The following CACNB2 variants were observed in gnomAD, a reference collection of about 807,000 sequenced individuals.
CACNB2 encodes the protein calcium voltage-gated channel auxiliary subunit beta 2.
A neutral mutation model predicts 73.3 loss-of-function variants in CACNB2; 42 were observed. The ratio of observed to expected loss-of-function variants is 0.57; its 90% confidence interval spans 0.45 to 0.74. CACNB2 has a LOEUF of 0.74. Among genes scored for constraint, CACNB2 ranks in the 30% least tolerant of loss-of-function variants. The probability of loss-of-function intolerance (pLI) is 0.00; values close to 1 mark genes in which losing one functional copy is unlikely to be tolerated. For missense variants in CACNB2, 940 were observed against 853.0 expected, an observed-to-expected ratio of 1.10 and a Z score of -1.27; for synonymous variants, 348 against 310.3, an observed-to-expected ratio of 1.12 and a Z score of -1.28.
chr10:18,470,010 A>G (rs1251309747), intron 3 of CACNB2, among the ~76,000 whole-genome samples: 1 of 152,106 alleles, frequency 6.6e-6, no homozygotes, highest in Non-Finnish European at 1.5e-5. Context: ...TTTTTTCTTT[A>G]TCATGCTATA....
At chr10:18,343,310 T>G (rs1022756910) in intron 2 of CACNB2, among the ~76,000 whole-genome samples, 4 of 150,656 alleles carry the variant, frequency 2.7e-5, no homozygotes, top group African/African-American at 4.9e-5. Flanking sequence ...TTTGGGCAGG[T>G]TTTTTTTTAT....
intron 2 of CACNB2, among the ~76,000 whole-genome samples, chr10:18,219,205 G>A (rs903480044): frequency 6.6e-6 from 1 of 152,094 alleles, no homozygotes; most frequent in Admixed American, 6.5e-5. Flanking sequence ...ATTCGGAATG[G>A]TATTTTTCCA....
intron 2 of CACNB2, among the ~76,000 whole-genome samples, chr10:18,313,670 TCAATCTA>T: frequency 2.0e-5 from 3 of 152,154 alleles, no homozygotes; most frequent in Admixed American, 2.0e-4. Flanking sequence ...AAATAAATAA[TCAATCTA>T]TTAAGGGGAA....
chr10:18,280,447 C>G (rs970676252), intron 2 of CACNB2, among the ~76,000 whole-genome samples: 1 of 152,296 alleles, frequency 6.6e-6, no homozygotes. Flanking sequence ...CTAAAGTCTA[C>G]TATTGAATTC....
intron 3 of CACNB2, among the ~76,000 whole-genome samples, chr10:18,484,664 A>T (rs2048968183): frequency 6.6e-6 from 1 of 152,098 alleles, no homozygotes; most frequent in African/African-American, 2.4e-5. Context: ...AAGCTCCCTC[A>T]CTGGGGTCTC....
At chr10:18,226,996 T>A (rs189989540) in intron 2 of CACNB2, among the ~76,000 whole-genome samples, 1 of 152,262 alleles carries the variant, frequency 6.6e-6, no homozygotes, top group East Asian at 1.9e-4. Flanking sequence ...GCCACTTAAA[T>A]GAGACTATTT....
intron 2 of CACNB2, among the ~76,000 whole-genome samples, chr10:18,317,529 T>A (rs2040237931): frequency 6.6e-6 from 1 of 152,234 alleles, no homozygotes; most frequent in East Asian, 1.9e-4. Context: ...GTTCTTGGCC[T>A]CTAGCTGCAT....
Position 18,541,699 on chromosome 10 carries a change from A to G in CACNB2, c.*1975A>G, listed in dbSNP as rs2054077362. On this transcript the variant is annotated 3_prime_UTR_variant, in exon 14 of 14. Transcript: ENST00000324631. Reference sequence around the variant, plus strand: ...AACGTGGCGAAACCCCGTCTCTACTAAAAAGATAAAAAATTAGCCAGGTGT... The same window carrying G: ...AACGTGGCGAAACCCCGTCTCTACTGAAAAGATAAAAAATTAGCCAGGTGT... 6.6e-6 allele frequency: 1 copy of G among 152,012 alleles called. No individual in the cohort carries two copies. The highest frequency in any genetic ancestry group is 1.5e-5 in the Non-Finnish European group (1 of 68,028). 9.4% of individuals were successfully genotyped at this position (152,012 alleles called of 1,614,324 possible). A position where few individuals can be genotyped will look rare whatever the true frequency, so the allele number is the denominator to read the frequency against.
chr10:18,170,790 C>A (rs1029773554), intron 2 of CACNB2, among the ~76,000 whole-genome samples: 2 of 152,198 alleles, frequency 1.3e-5, no homozygotes, highest in Non-Finnish European at 2.9e-5. Flanking sequence ...TGACAATGCT[C>A]TTTTAAGCTT....
chr10:18,498,879 A>G lies in CACNB2; in HGVS notation c.456+402A>G, dbSNP rs902481117. 11 of 223,464 alleles carry G rather than the reference A, an allele frequency of 4.9e-5. No homozygotes were observed. The Admixed American group carries it at 5.8e-4, about 12-fold the overall frequency. 13.8% of individuals were successfully genotyped at this position (223,464 alleles called of 1,614,324 possible). A position where few individuals can be genotyped will look rare whatever the true frequency, so the allele number is the denominator to read the frequency against. Reference sequence around the variant, plus strand: ...GAATTCATGACTCTTCTCTCTGCTGACAGTGTCTCAATACAAACTACTGAT... The same window carrying G: ...GAATTCATGACTCTTCTCTCTGCTGGCAGTGTCTCAATACAAACTACTGAT... On this transcript the variant is annotated intron_variant, in intron 4 of 13. Transcript: ENST00000324631.
At chr10:18,438,315 C>T (rs1276252988) in intron 3 of CACNB2, among the ~76,000 whole-genome samples, 2 of 151,784 alleles carry the variant, frequency 1.3e-5, no homozygotes, top group Non-Finnish European at 1.5e-5. Flanking sequence ...AGGCGTGAGC[C>T]ACCGCGCCCT....
chr10:18,341,549 TTTATTA>T lies in CACNB2; in HGVS notation c.214-60369_214-60364del, dbSNP rs748390547. On this transcript the variant is annotated intron_variant, in intron 2 of 13. Transcript: ENST00000324631. ...GGTTTAGAACTTTTAAAGAAAAGAC[TTTATTA>T]TTATTTATTGGTGCCTTTTTAGGAA... 1.0e-3 allele frequency among the ~76,000 whole-genome samples: 155 copies of T among 152,290 alleles called. 1 individual carries two copies. The highest frequency in any genetic ancestry group is 4.9e-4 in the Non-Finnish European group (33 of 68,026).
At chr10:18,240,952 C>T (rs2036626652) in intron 2 of CACNB2, among the ~76,000 whole-genome samples, 1 of 152,130 alleles carries the variant, frequency 6.6e-6, no homozygotes, top group Non-Finnish European at 1.5e-5. Flanking sequence ...GAAGATGTTG[C>T]CATAATGAGT....
chr10:18,459,488 A>G (rs117943270), intron 3 of CACNB2, among the ~76,000 whole-genome samples: 76 of 152,326 alleles, frequency 5.0e-4, no homozygotes, highest in Non-Finnish European at 2.1e-4. Context: ...CAGGCTTTAC[A>G]CAGCCATACA....
chr10:18,301,737 C>G (rs2039520642), intron 2 of CACNB2, among the ~76,000 whole-genome samples: 1 of 151,748 alleles, frequency 6.6e-6, no homozygotes, highest in Admixed American at 6.6e-5. Context: ...CAACCTCCGC[C>G]TTCTGGGTTC....
At chr10:18,228,065 T>C (rs1398304772) in intron 2 of CACNB2, among the ~76,000 whole-genome samples, 5 of 152,156 alleles carry the variant, frequency 3.3e-5, no homozygotes, top group Non-Finnish European at 7.3e-5. Flanking sequence ...AGAGTGTCTT[T>C]TGGTGTACAA....
At position 18,514,407 on chromosome 10, in the gene CACNB2, C is replaced by G. The variant is rs373841768; in HGVS notation, c.804+38C>G. 4.3e-6 allele frequency: 7 copies of G among 1,613,852 alleles called. No individual in the cohort carries two copies. The African/African-American group carries it at 6.7e-5, about 15-fold the overall frequency. ...TCCAAGCTCCCATTGTCCACCTGCT[C>G]AACTGCACTGCGTCACATTTCTAGT... On this transcript the variant is annotated intron_variant, in intron 7 of 13. Coordinates refer to ENST00000324631, the MANE Select transcript of CACNB2 (RefSeq NM_201596.3).
At chr10:18,357,500 T>C (rs1263519659) in intron 2 of CACNB2, among the ~76,000 whole-genome samples, 1 of 152,232 alleles carries the variant, frequency 6.6e-6, no homozygotes, top group Non-Finnish European at 1.5e-5. Flanking sequence ...AGCGGTGATG[T>C]ACACCTACAG....
chr10:18,165,329 A>C lies in CACNB2; in HGVS notation c.213+14354A>C, dbSNP rs574120846. Among the ~76,000 whole-genome samples the C allele has an allele frequency of 2.0e-4, 31 of 152,334 alleles. 1 individual carries two copies. The South Asian group carries it at 6.0e-3, about 30-fold the overall frequency. ...CTGCGGCTGGTGGCTGGCTGAGTCC[A>C]GATAGGTACAGTGCAGCCAACTCCT... is the stretch of plus-strand genomic sequence containing the variant. On this transcript the variant is annotated intron_variant, in intron 2 of 13. Transcript: ENST00000324631.
Sources: allele counts gnomAD v4.1 joint callset (sites outside exome capture counted in the v4.1 genomes callset), GRCh38; gene constraint gnomAD v4.1.1; transcripts MANE v1.5; gene names NCBI Gene and HGNC (gene_info 2026-07-23, HGNC 2026-07-21).